DMD: variants seen among roughly 807,000 people sequenced by gnomAD.
DMD encodes the protein dystrophin.
A neutral mutation model predicts 330.1 loss-of-function variants in DMD; 63 were observed. The observed-to-expected ratio is 0.19, with a 90% CI of 0.16 to 0.24. The LOEUF is 0.24. DMD is among the 10% of genes least tolerant of loss of function. The probability of loss-of-function intolerance (pLI) is 1.00; values close to 1 mark genes in which losing one functional copy is unlikely to be tolerated. For synonymous variants in DMD, 1,223 were observed against 959.8 expected, an observed-to-expected ratio of 1.27 and a Z score of -5.07; for missense variants, 3,344 against 2,684.1, an observed-to-expected ratio of 1.25 and a Z score of -5.43.
chrX:32,244,737 T>C (rs1484077301), intron 43 of DMD, among the ~76,000 whole-genome samples: 2 of 91,363 alleles, frequency 2.2e-5, no homozygotes, highest in Admixed American at 1.3e-4. Context: ...TTTCATGTGT[T>C]TTTTGGCTGC....
intron 2 of DMD, among the ~76,000 whole-genome samples, chrX:32,984,661 A>G (rs1279347395): frequency 8.9e-6 from 1 of 112,070 alleles, no homozygotes; most frequent in Non-Finnish European, 1.9e-5. Context: ...TTTCAGAGCC[A>G]AGCATATAGT....
At chrX:32,143,636 G>A (rs2096764065) in intron 44 of DMD, among the ~76,000 whole-genome samples, 1 of 108,322 alleles carries the variant, frequency 9.2e-6, no homozygotes, top group Admixed American at 9.9e-5. Flanking sequence ...TCCGCCTCCC[G>A]GGTTCACGCC....
intron 1 of DMD, among the ~76,000 whole-genome samples, chrX:33,265,006 T>G (rs976450223): frequency 1.3e-4 from 14 of 110,670 alleles, no homozygotes; most frequent in Admixed American, 1.3e-3. Context: ...TAAGGAAAAA[T>G]TATGCAGAAA....
intron 47 of DMD, among the ~76,000 whole-genome samples, chrX:31,916,515 T>C (rs1376821020): frequency 1.8e-5 from 2 of 111,839 alleles, no homozygotes; most frequent in Non-Finnish European, 3.8e-5. Context: ...GAAGAGACAT[T>C]CATGGCAAAT....
intron 50 of DMD, among the ~76,000 whole-genome samples, chrX:31,796,635 A>C (rs2091844789): frequency 9.0e-6 from 1 of 111,650 alleles, no homozygotes; most frequent in Non-Finnish European, 1.9e-5. Flanking sequence ...TAATAAATGG[A>C]ATTGGTAGTA....
At chrX:31,784,800 G>C (rs2091209155) in intron 50 of DMD, among the ~76,000 whole-genome samples, 1 of 111,857 alleles carries the variant, frequency 8.9e-6, no homozygotes, top group South Asian at 3.7e-4. Flanking sequence ...TACATGTTCT[G>C]ATAACATTTA....
chrX:31,990,127 G>A (rs1219859745), intron 44 of DMD, among the ~76,000 whole-genome samples: 1 of 112,476 alleles, frequency 8.9e-6, no homozygotes, highest in Non-Finnish European at 1.9e-5. Context: ...AATAGTTTTT[G>A]ATAAACTAGC....
At chrX:32,455,893 C>A (rs1417915728) in intron 25 of DMD, among the ~76,000 whole-genome samples, 1 of 111,107 alleles carries the variant, frequency 9.0e-6, no homozygotes, top group African/African-American at 3.3e-5. Context: ...AAACTTTCTA[C>A]AATGGACTCC....
intron 17 of DMD, among the ~76,000 whole-genome samples, chrX:32,542,614 ATTCAGTGAAATATTAGTGGGC>A (rs1407907473): frequency 8.9e-6 from 1 of 112,164 alleles, no homozygotes; most frequent in Non-Finnish European, 1.9e-5. Context: ...AGACCTCAAT[ATTCAGTGAAATATTAGTGGGC>A]TTCAGATGAT....
intron 39 of DMD, 67 bp downstream of exon 39, chrX:32,345,876 T>C: frequency 8.8e-7 from 1 of 1,133,736 alleles, no homozygotes; most frequent in Non-Finnish European, 1.2e-6. Flanking sequence ...TTAATGCACA[T>C]TATATTTTAC....
intron 2 of DMD, among the ~76,000 whole-genome samples, chrX:32,945,002 G>T (rs1040549746): frequency 1.6e-4 from 18 of 110,931 alleles, no homozygotes; most frequent in African/African-American, 4.9e-4. Flanking sequence ...CTATATTGCT[G>T]CCAGATAAAC....
intron 60 of DMD, among the ~76,000 whole-genome samples, chrX:31,440,147 C>CT (rs56881685): frequency 1.1e-3 from 102 of 92,545 alleles, no homozygotes; most frequent in South Asian, 3.1e-3. Flanking sequence ...TAAAGTATTG[C>CT]TTTTTTTTTT....
intron 55 of DMD, among the ~76,000 whole-genome samples, chrX:31,552,004 T>C (rs2074516089): frequency 8.9e-6 from 1 of 112,451 alleles, no homozygotes; most frequent in African/African-American, 3.2e-5. Context: ...CTGAAGTCTT[T>C]TTGTGTTTCA....
rs764016542 is a variant in DMD, at chrX:32,465,572, T to C, written c.3163-873A>G. Among the ~76,000 whole-genome samples the C allele has an allele frequency of 1.2e-4, 4 of 33,506 alleles. No individual in the cohort carries two copies. The South Asian group carries it at 6.6e-3, about 55-fold the overall frequency. The allele number at this position is 33,506 out of a possible 115,157, so 29.1% of individuals were successfully genotyped here. ...CCTTGTTCAGGTCTTTTTTTTTTTG[T>C]TTGTTTTTTGTTTTTTTTTTTTTTT... On this transcript the variant is annotated intron_variant, in intron 23 of 78. Coordinates refer to ENST00000357033, the MANE Select transcript of DMD (RefSeq NM_004006.3).
At chrX:31,343,194 T>C (rs1426764231) in intron 61 of DMD, among the ~76,000 whole-genome samples, 1 of 111,907 alleles carries the variant, frequency 8.9e-6, no homozygotes, top group Non-Finnish European at 1.9e-5. Flanking sequence ...TACCTACCAA[T>C]TATACATATA....
chrX:32,929,053 G>A (rs1011325083), intron 2 of DMD, among the ~76,000 whole-genome samples: 3 of 111,125 alleles, frequency 2.7e-5, no homozygotes, highest in Admixed American at 9.6e-5. Flanking sequence ...AAAAATAAGC[G>A]ACTTCAGGGA....
intron 13 of DMD, among the ~76,000 whole-genome samples, chrX:32,576,635 AATT>A (rs1276540223): frequency 9.4e-5 from 7 of 74,528 alleles, no homozygotes; most frequent in Non-Finnish European, 2.3e-4. Flanking sequence ...AAAATTTATG[AATT>A]GTTTATTTCT....
chrX:31,311,510 T>C (rs763054494), intron 62 of DMD, among the ~76,000 whole-genome samples: 2 of 111,717 alleles, frequency 1.8e-5, no homozygotes, highest in Non-Finnish European at 3.8e-5. Flanking sequence ...GGTCTATATG[T>C]CTGTTTTGGT....
chrX:32,257,296 T>C (rs1437125465), intron 43 of DMD, among the ~76,000 whole-genome samples: 1 of 112,026 alleles, frequency 8.9e-6, no homozygotes, highest in African/African-American at 3.2e-5. Context: ...TGACTTTCTT[T>C]ACAGAATTAG....
Sources: allele counts gnomAD v4.1 joint callset (sites outside exome capture counted in the v4.1 genomes callset), GRCh38; gene constraint gnomAD v4.1.1; transcripts MANE v1.5; gene names NCBI Gene and HGNC (gene_info 2026-07-23, HGNC 2026-07-21).